MAGI3: variants seen among roughly 807,000 people sequenced by gnomAD.
The protein encoded by MAGI3 is membrane-associated guanylate kinase, WW and PDZ domain-containing protein 3.
A neutral mutation model predicts 121.8 loss-of-function variants in MAGI3; 43 were observed. The observed-to-expected ratio is 0.35, with a 90% CI of 0.28 to 0.46. The LOEUF (loss-of-function observed/expected upper bound fraction) is 0.46, where lower values mean the gene tolerates loss of function less well. Among genes scored for constraint, MAGI3 ranks in the 20% least tolerant of loss-of-function variants. MAGI3 has a pLI of 1.00. For missense variants in MAGI3, 1,547 were observed against 1,797.3 expected, an observed-to-expected ratio of 0.86 and a Z score of 2.52; for synonymous variants, 553 against 639.3, an observed-to-expected ratio of 0.86 and a Z score of 2.04.
At chr1:113,518,373 A>G (rs1658025352) in intron 1 of MAGI3, among the ~76,000 whole-genome samples, 1 of 152,128 alleles carries the variant, frequency 6.6e-6, no homozygotes, top group African/African-American at 2.4e-5. Context: ...CTTTCCATTG[A>G]ATATTATGAT....
chr1:113,617,012 C>T (rs961699582), intron 7 of MAGI3, among the ~76,000 whole-genome samples: 5 of 151,964 alleles, frequency 3.3e-5, no homozygotes, highest in African/African-American at 1.2e-4. Flanking sequence ...TACCTCAGCC[C>T]CCCAGTAGCT....
intron 1 of MAGI3, among the ~76,000 whole-genome samples, chr1:113,459,056 T>C (rs1654905818): frequency 6.6e-6 from 1 of 152,192 alleles, no homozygotes; most frequent in African/African-American, 2.4e-5. Context: ...CTGTAACATA[T>C]ACATTATATA....
chr1:113,511,963 C>A (rs1261705967), intron 1 of MAGI3, among the ~76,000 whole-genome samples: 1 of 152,182 alleles, frequency 6.6e-6, no homozygotes, highest in Non-Finnish European at 1.5e-5. Context: ...CCTCTTCCCC[C>A]AAACTCCCTT....
chr1:113,627,625 G>A (rs1414718831), intron 9 of MAGI3, among the ~76,000 whole-genome samples: 1 of 148,322 alleles, frequency 6.7e-6, no homozygotes, highest in African/African-American at 2.4e-5. Flanking sequence ...ATATATAATT[G>A]TAATATATGA....
chr1:113,599,139 C>G (rs1341725996), intron 6 of MAGI3, among the ~76,000 whole-genome samples: 3 of 152,052 alleles, frequency 2.0e-5, no homozygotes, highest in Non-Finnish European at 4.4e-5. Flanking sequence ...AATTGACATC[C>G]TAACATCACA....
intron 1 of MAGI3, among the ~76,000 whole-genome samples, chr1:113,505,974 G>A (rs2101602787): frequency 6.6e-6 from 1 of 152,216 alleles, no homozygotes. Context: ...TATGAGCACT[G>A]GAAGATTATG....
At chr1:113,565,965 T>C (rs1660420242) in intron 2 of MAGI3, among the ~76,000 whole-genome samples, 1 of 152,242 alleles carries the variant, frequency 6.6e-6, no homozygotes. Flanking sequence ...TCAAGCCAGA[T>C]GTCTCTATGT....
intron 2 of MAGI3, among the ~76,000 whole-genome samples, chr1:113,552,294 T>C (rs1212728456): frequency 6.6e-6 from 1 of 152,216 alleles, no homozygotes; most frequent in Non-Finnish European, 1.5e-5. Context: ...AGGAGTTTGT[T>C]TGTGGCCTTT....
At chr1:113,656,393 T>C (rs1653468723) in intron 15 of MAGI3, among the ~76,000 whole-genome samples, 1 of 151,746 alleles carries the variant, frequency 6.6e-6, no homozygotes. Context: ...GAAACCTGTC[T>C]CAGAATAGAT....
intron 7 of MAGI3, 101 bp from the exon 8 acceptor site, chr1:113,619,635 T>C: frequency 2.6e-6 from 2 of 770,300 alleles, no homozygotes; most frequent in Non-Finnish European, 4.3e-6. Context: ...AGATACATAT[T>C]TGTCCCCTAA....
intron 1 of MAGI3, among the ~76,000 whole-genome samples, chr1:113,504,916 T>A (rs1028959808): frequency 6.6e-6 from 1 of 152,152 alleles, no homozygotes; most frequent in Non-Finnish European, 1.5e-5. Context: ...TACTGTTGAA[T>A]GAGGAAAGAA....
chr1:113,623,467 C>A (rs1389332157), intron 9 of MAGI3, among the ~76,000 whole-genome samples: 5 of 32,742 alleles, frequency 1.5e-4, no homozygotes, highest in African/African-American at 5.7e-4. Flanking sequence ...CACACACACA[C>A]ACACACACAC....
intron 2 of MAGI3, among the ~76,000 whole-genome samples, chr1:113,566,465 C>T (rs77444876): frequency 0.065 from 9,908 of 152,112 alleles, 365 homozygotes; most frequent in Non-Finnish European, 0.075. Flanking sequence ...TGGACCTAAC[C>T]GACATACAGA....
intron 6 of MAGI3, among the ~76,000 whole-genome samples, chr1:113,605,207 C>T (rs1194934671): frequency 6.6e-6 from 1 of 152,012 alleles, no homozygotes; most frequent in African/African-American, 2.4e-5. Flanking sequence ...ATTATGACAG[C>T]CTTTCTCTTA....
intron 1 of MAGI3, among the ~76,000 whole-genome samples, chr1:113,433,132 T>C (rs1480457426): frequency 6.6e-6 from 1 of 152,214 alleles, no homozygotes; most frequent in African/African-American, 2.4e-5. Context: ...GTAAGCATAA[T>C]TTCCTCTATT....
At chr1:113,456,759 G>T (rs1358496766) in intron 1 of MAGI3, among the ~76,000 whole-genome samples, 1 of 151,864 alleles carries the variant, frequency 6.6e-6, no homozygotes, top group Non-Finnish European at 1.5e-5. Context: ...AAGAATTTCT[G>T]TCCAAACCAA....
intron 19 of MAGI3, among the ~76,000 whole-genome samples, chr1:113,674,765 A>AT (rs1647773797): frequency 6.6e-6 from 1 of 152,192 alleles, no homozygotes; most frequent in Admixed American, 6.5e-5. Flanking sequence ...AGCTTTATGC[A>AT]TGCTACTGAA....
chr1:113,680,420 C>G (rs1424898109), intron 19 of MAGI3, among the ~76,000 whole-genome samples: 1 of 152,130 alleles, frequency 6.6e-6, no homozygotes, highest in African/African-American at 2.4e-5. Context: ...GGTTTACTCA[C>G]GCATAAAAAC....
chr1:113,573,622 G>A (rs1275406263), intron 2 of MAGI3, among the ~76,000 whole-genome samples: 1 of 152,150 alleles, frequency 6.6e-6, no homozygotes, highest in Non-Finnish European at 1.5e-5. Flanking sequence ...CAATTATGTG[G>A]TTGATTTTAG....
Sources: gnomAD v4.1 joint callset for allele counts (sites outside exome capture counted in the v4.1 genomes callset) on GRCh38, gnomAD v4.1.1 for gene constraint, MANE v1.5 for transcripts, NCBI Gene and HGNC (gene_info 2026-07-23, HGNC 2026-07-21) for gene names.